Variants in MACROD2 observed in about 807,000 individuals in gnomAD.
MACROD2 encodes mono-ADP ribosylhydrolase 2.
MACROD2 carries 36 observed loss-of-function variants against 70.4 expected under a neutral mutation model. The observed-to-expected ratio is 0.51, with a 90% CI of 0.39 to 0.68. The LOEUF (loss-of-function observed/expected upper bound fraction) is 0.68, where lower values mean the gene tolerates loss of function less well. Among genes scored for constraint, MACROD2 ranks in the 30% least tolerant of loss-of-function variants. The pLI is 0.00. For missense variants in MACROD2, 496 were observed against 538.4 expected, an observed-to-expected ratio of 0.92 and a Z score of 0.78; for synonymous variants, 172 against 178.8, an observed-to-expected ratio of 0.96 and a Z score of 0.30.
chr20:15,815,919 A>G (rs1423238737), intron 8 of MACROD2, among the ~76,000 whole-genome samples: 1 of 152,112 alleles, frequency 6.6e-6, no homozygotes, highest in Non-Finnish European at 1.5e-5. Context: ...TAATTAGTCA[A>G]TTGTAACCTG....
chr20:14,426,506 A>T (rs2083934246), intron 3 of MACROD2, among the ~76,000 whole-genome samples: 1 of 152,044 alleles, frequency 6.6e-6, no homozygotes, highest in Admixed American at 6.6e-5. Context: ...CATATTAGTG[A>T]CTTTCCTCAG....
chr20:15,710,204 A>C (rs2050605181), intron 8 of MACROD2, among the ~76,000 whole-genome samples: 1 of 151,950 alleles, frequency 6.6e-6, no homozygotes, highest in Admixed American at 6.6e-5. Flanking sequence ...CAAAAAAAAA[A>C]AAAAAAAAAC....
intron 5 of MACROD2, among the ~76,000 whole-genome samples, chr20:15,131,341 C>G (rs1394271623): frequency 6.6e-6 from 1 of 151,972 alleles, no homozygotes; most frequent in Non-Finnish European, 1.5e-5. Context: ...CATTAAGTTT[C>G]AAGTATTAAT....
In MACROD2 at chr20:15,193,805, G is replaced by A. The variant is rs180838262; in HGVS notation, c.419-36135G>A. Among the ~76,000 whole-genome samples, 277 of 151,998 alleles carry A rather than the reference G, an allele frequency of 1.8e-3. 3 individuals carry two copies. The highest frequency in any genetic ancestry group is 0.01 in the Middle Eastern group (3 of 294). On this transcript the variant is annotated intron_variant, in intron 5 of 17. Coordinates refer to ENST00000684519, the MANE Select transcript of MACROD2 (RefSeq NM_001351661.2). ...TCTTGGTGGTTATGTACAAAGGAGC[G>A]GGTGAGAAAATCTCCAACCTGGTGT... is the stretch of plus-strand genomic sequence containing the variant.
At chr20:16,003,027 C>T (rs2066731749) in intron 15 of MACROD2, among the ~76,000 whole-genome samples, 2 of 151,726 alleles carry the variant, frequency 1.3e-5, no homozygotes. Context: ...GTACAAGGCA[C>T]TGGGCTCGGG....
In MACROD2 at chr20:14,456,234, C is replaced by T. The variant is rs149792924; in HGVS notation, c.272-37245C>T. Among the ~76,000 whole-genome samples the T allele has an allele frequency of 9.8e-3, 1,496 of 151,938 alleles. 19 individuals are homozygous for T. The highest frequency in any genetic ancestry group is 0.015 in the Non-Finnish European group (1,009 of 68,004). On this transcript the variant is annotated intron_variant, in intron 3 of 17. Transcript: ENST00000684519. The stretch of plus-strand genomic sequence containing the variant: ...GACTTCAGTTTCATTCTTAATCTTT[C>T]AGTAATAGATCCCAGGAGTGAATAA...
At chr20:15,120,467 G>GT (rs965697611) in intron 5 of MACROD2, among the ~76,000 whole-genome samples, 55 of 152,160 alleles carry the variant, frequency 3.6e-4, no homozygotes, top group Admixed American at 6.5e-4. Context: ...TTTTATATGC[G>GT]TTTTATTTAA....
intron 5 of MACROD2, among the ~76,000 whole-genome samples, chr20:14,955,401 CTCT>C (rs928534906): frequency 2.7e-5 from 4 of 149,998 alleles, no homozygotes; most frequent in African/African-American, 9.8e-5. Flanking sequence ...TTTTGCCCTT[CTCT>C]TCTTCTCCAT....
Position 15,584,733 on chromosome 20 carries a change from G to A in MACROD2, c.645+84886G>A, listed in dbSNP as rs183301099. ...TGCCGGGGCTGGTTACCACCTTCCC[G>A]TGGGCCACAGCAGCTTCCCAGCAAT... On this transcript the variant is annotated intron_variant, in intron 8 of 17. Transcript: ENST00000684519. Among the ~76,000 whole-genome samples, 1,237 of 152,248 alleles carry A rather than the reference G, an allele frequency of 8.1e-3. 5 individuals carry two copies. The highest frequency in any genetic ancestry group is 0.012 in the Non-Finnish European group (814 of 68,012).
chr20:15,559,226 C>CAAAAA (rs148608040), intron 8 of MACROD2, among the ~76,000 whole-genome samples: 3 of 43,246 alleles, frequency 6.9e-5, no homozygotes, highest in Non-Finnish European at 9.6e-5. Flanking sequence ...AACTCCGTCT[C>CAAAAA]AAAAAAAAAA....
intron 3 of MACROD2, among the ~76,000 whole-genome samples, chr20:14,173,117 GTGA>G (rs765917566): frequency 6.6e-6 from 1 of 152,078 alleles, no homozygotes; most frequent in Non-Finnish European, 1.5e-5. Flanking sequence ...GTGTTTCTAG[GTGA>G]TGATCTTTTT....
chr20:15,828,803 A>G (rs141059158), intron 8 of MACROD2, among the ~76,000 whole-genome samples: 226 of 152,352 alleles, frequency 1.5e-3, no homozygotes, highest in African/African-American at 5.2e-3. Flanking sequence ...AAACTGGTTA[A>G]CATTTAGTAG....
At chr20:14,751,473 C>G (rs2071869573) in intron 5 of MACROD2, among the ~76,000 whole-genome samples, 1 of 152,164 alleles carries the variant, frequency 6.6e-6, no homozygotes, top group African/African-American at 2.4e-5. Context: ...TAGTGACCGA[C>G]ATCCTTAATC....
chr20:15,268,716 T>C (rs2077319380), intron 6 of MACROD2, among the ~76,000 whole-genome samples: 1 of 152,190 alleles, frequency 6.6e-6, no homozygotes, highest in Non-Finnish European at 1.5e-5. Context: ...GAACTGTGTT[T>C]ATTTGTGTGA....
In MACROD2 at chr20:15,316,351, A is replaced by G. The variant is rs1432434651; in HGVS notation, c.540+86290A>G. 2.6e-5 allele frequency among the ~76,000 whole-genome samples: 4 copies of G among 152,084 alleles called. No individual in the cohort carries two copies. In the East Asian group the frequency reaches 7.7e-4, roughly 29 times the overall value. The stretch of plus-strand genomic sequence containing the variant: ...GTGGGTTCAAAGCAAAAATATGGAT[A>G]AAGATATTCCATGCAAGTAGTAACC... On this transcript the variant is annotated intron_variant, in intron 6 of 17. Transcript: ENST00000684519.
chr20:14,778,207 A>G (rs1391843207), intron 5 of MACROD2, among the ~76,000 whole-genome samples: 4 of 152,128 alleles, frequency 2.6e-5, no homozygotes, highest in Non-Finnish European at 4.4e-5. Context: ...GTAATAGGGA[A>G]GTAGTATGAT....
At chr20:15,760,761 C>T (rs6034283) in intron 8 of MACROD2, among the ~76,000 whole-genome samples, 1 of 152,102 alleles carries the variant, frequency 6.6e-6, no homozygotes, top group Non-Finnish European at 1.5e-5. Flanking sequence ...CCTGAGTGAC[C>T]TTATGTGAAT....
intron 6 of MACROD2, among the ~76,000 whole-genome samples, chr20:15,387,507 C>T (rs776972661): frequency 1.5e-4 from 22 of 151,144 alleles, no homozygotes; most frequent in Non-Finnish European, 2.1e-4. Flanking sequence ...ATTCCTTTTC[C>T]CCCCTTCCCC....
chr20:14,409,983 C>G (rs2083732589), intron 3 of MACROD2, among the ~76,000 whole-genome samples: 1 of 152,152 alleles, frequency 6.6e-6, no homozygotes, highest in African/African-American at 2.4e-5. Flanking sequence ...CAAGTACCTT[C>G]TACTCTTTCT....
Sources: gnomAD v4.1 joint callset for allele counts (sites outside exome capture counted in the v4.1 genomes callset) on GRCh38, gnomAD v4.1.1 for gene constraint, MANE v1.5 for transcripts, NCBI Gene and HGNC (gene_info 2026-07-23, HGNC 2026-07-21) for gene names.